CDK17: variants seen among roughly 807,000 people sequenced by gnomAD.
CDK17 encodes cyclin-dependent kinase 17.
A neutral mutation model predicts 77.6 loss-of-function variants in CDK17; 24 were observed. The ratio of observed to expected loss-of-function variants is 0.31; its 90% CI spans 0.22 to 0.44. The LOEUF (loss-of-function observed/expected upper bound fraction) is 0.44. Ranked by LOEUF, CDK17 falls within the 20% of genes least tolerant of loss-of-function variation. CDK17 has a pLI of 1.00. For missense variants in CDK17, 429 were observed against 622.5 expected (o/e 0.69, Z 3.31); for synonymous variants, 203 against 210.4 (o/e 0.96, Z 0.30).
At chr12:96,378,390 CG>C (rs1464513568) in intron 1 of CDK17, among the ~76,000 whole-genome samples, 1 of 152,154 alleles carries the variant, frequency 6.6e-6, no homozygotes, top group Non-Finnish European at 1.5e-5. Flanking sequence ...ATAACTCATT[CG>C]TGTTTTTGTT....
chr12:96,300,758 A>G (rs982929865), intron 5 of CDK17, among the ~76,000 whole-genome samples: 2 of 152,242 alleles, frequency 1.3e-5, no homozygotes, highest in African/African-American at 4.8e-5. Flanking sequence ...TTCCCACTCT[A>G]AAGAATGACT....
intron 9 of CDK17, among the ~76,000 whole-genome samples, chr12:96,296,095 T>C (rs1952401375): frequency 6.6e-6 from 1 of 152,232 alleles, no homozygotes. Flanking sequence ...AATGAATTCT[T>C]GTTACACTTT....
chr12:96,377,097 A>T (rs1953792100), intron 1 of CDK17, among the ~76,000 whole-genome samples: 1 of 152,168 alleles, frequency 6.6e-6, no homozygotes, highest in South Asian at 2.1e-4. Flanking sequence ...TGCAGGTATA[A>T]CCAGAAAGCA....
chr12:96,397,700 C>T (rs1215303327), intron 1 of CDK17, among the ~76,000 whole-genome samples: 1 of 152,006 alleles, frequency 6.6e-6, no homozygotes, highest in Non-Finnish European at 1.5e-5. Flanking sequence ...GGTAGATTTC[C>T]ATCTAGTAAC....
chr12:96,395,975 T>C (rs1301914150), intron 1 of CDK17, among the ~76,000 whole-genome samples: 1 of 152,216 alleles, frequency 6.6e-6, no homozygotes, highest in African/African-American at 2.4e-5. Flanking sequence ...TTTGTTATAG[T>C]ACCCCAAGTA....
chr12:96,349,688 C>T (rs1953282421), intron 1 of CDK17, among the ~76,000 whole-genome samples: 1 of 152,082 alleles, frequency 6.6e-6, no homozygotes, highest in South Asian at 2.1e-4. Flanking sequence ...AGACTGAAAG[C>T]TTTTCTCTTA....
At chr12:96,280,963 A>G in intron 15 of CDK17, 78 bp from the exon 16 acceptor site, 2 of 1,175,138 alleles carry the variant, frequency 1.7e-6, no homozygotes, top group East Asian at 4.9e-5. Context: ...ACAAATGTTT[A>G]TAAAGCATAT....
In CDK17 at chr12:96,282,555, A is replaced by G. The variant is rs747780273; in HGVS notation, c.1410T>C (p.His470=). The change falls in exon 15 of 17, where the codon CAT becomes CAC. Residue 470 remains histidine, a synonymous_variant. Transcript: ENST00000261211. ...KRVSAEEAMK[H]VYFRSLGPRI... is the part of the protein sequence containing the mutation. ...TTGGTCCCAGACTTCGAAAGTACAC[A>G]TGTTTCATGGCCTCTTCAGCTGAAA... 1.9e-6 allele frequency: 3 copies of G among 1,613,120 alleles called. No homozygotes were observed. The East Asian group carries it at 6.7e-5, about 36-fold the overall frequency.
At chr12:96,385,219 GGA>G (rs1953952917) in intron 1 of CDK17, among the ~76,000 whole-genome samples, 1 of 137,198 alleles carries the variant, frequency 7.3e-6, no homozygotes. Flanking sequence ...GGCTGAGGCA[GGA>G]GAGTTGCTTG....
At chr12:96,292,531 GA>G (rs1205521066) in intron 10 of CDK17, among the ~76,000 whole-genome samples, 1 of 152,142 alleles carries the variant, frequency 6.6e-6, no homozygotes, top group Non-Finnish European at 1.5e-5. Flanking sequence ...CTTGAACCCA[GA>G]AGGCGAAGGT....
At chr12:96,353,142 T>C (rs11108477) in intron 1 of CDK17, among the ~76,000 whole-genome samples, 33 of 152,158 alleles carry the variant, frequency 2.2e-4, no homozygotes, top group Non-Finnish European at 4.0e-4. Context: ...TTTTAACACT[T>C]TACAAAACCT....
intron 2 of CDK17, among the ~76,000 whole-genome samples, chr12:96,332,770 T>C (rs1402378875): frequency 6.6e-6 from 1 of 152,230 alleles, no homozygotes; most frequent in African/African-American, 2.4e-5. Flanking sequence ...TGCCCTTATT[T>C]ACTACCTATT....
chr12:96,397,588 CA>C (rs985298929), intron 1 of CDK17, among the ~76,000 whole-genome samples: 1 of 152,116 alleles, frequency 6.6e-6, no homozygotes, highest in African/African-American at 2.4e-5. Flanking sequence ...TCTACATTTA[CA>C]TTTTTTTCTC....
chr12:96,341,147 G>C (rs2137154421), intron 1 of CDK17, among the ~76,000 whole-genome samples: 1 of 152,172 alleles, frequency 6.6e-6, no homozygotes, highest in African/African-American at 2.4e-5. Context: ...GAATCTGGAG[G>C]CCATCATCCT....
intron 2 of CDK17, among the ~76,000 whole-genome samples, chr12:96,331,816 T>C (rs1416660594): frequency 6.6e-6 from 1 of 152,156 alleles, no homozygotes; most frequent in Non-Finnish European, 1.5e-5. Context: ...GCCATGTGCC[T>C]AGATATGCAA....
chr12:96,283,745 A>G (rs1359285276), intron 13 of CDK17, 100 bp from the exon 14 acceptor site: 1 of 738,218 alleles, frequency 1.4e-6, no homozygotes, highest in East Asian at 2.6e-5. Context: ...CTAAATTTAA[A>G]TGCCCTAAAA....
At chr12:96,394,299 A>C (rs944446340) in intron 1 of CDK17, among the ~76,000 whole-genome samples, 2 of 152,154 alleles carry the variant, frequency 1.3e-5, no homozygotes, top group African/African-American at 4.8e-5. Context: ...ACATTATTGA[A>C]TATTAACACA....
intron 5 of CDK17, among the ~76,000 whole-genome samples, chr12:96,300,873 A>C (rs1952490193): frequency 6.6e-6 from 1 of 152,202 alleles, no homozygotes; most frequent in African/African-American, 2.4e-5. Flanking sequence ...CAAAGTTCAC[A>C]ATCAAAATTG....
intron 2 of CDK17, among the ~76,000 whole-genome samples, chr12:96,327,049 T>C (rs1207085704): frequency 1.3e-5 from 2 of 152,152 alleles, no homozygotes; most frequent in Non-Finnish European, 2.9e-5. Flanking sequence ...AGATCTATTG[T>C]CATGATGAAA....
Sources: allele counts gnomAD v4.1 joint callset (sites outside exome capture counted in the v4.1 genomes callset), GRCh38; gene constraint gnomAD v4.1.1; transcripts MANE v1.5; gene names NCBI Gene and HGNC (gene_info 2026-07-23, HGNC 2026-07-21).